The following SNRNP48 variants were observed in gnomAD, a reference collection of about 807,000 sequenced individuals.
SNRNP48 encodes the protein U11/U12 small nuclear ribonucleoprotein 48 kDa protein.
Under a neutral mutation model 47.0 loss-of-function variants are expected in SNRNP48, and 43 were observed. The ratio of observed to expected loss-of-function variants is 0.92; its 90% CI spans 0.72 to 1.18. The LOEUF (loss-of-function observed/expected upper bound fraction) is 1.18, where lower values mean the gene tolerates loss of function less well. Among genes scored for constraint, SNRNP48 ranks in the 50% most tolerant of loss-of-function variants. The pLI, the probability that SNRNP48 is intolerant of heterozygous loss-of-function variation, is 0.00. For synonymous variants in SNRNP48, 138 were observed against 144.0 expected (o/e 0.96, Z 0.30); for missense variants, 396 against 422.2 (o/e 0.94, Z 0.54).
chr6:7,590,261 G>A lies in SNRNP48; in HGVS notation c.4G>A (p.Glu2Lys). The A allele has an allele frequency of 7.5e-7, 1 of 1,333,692 alleles. No individual in the cohort carries two copies. The highest frequency in any genetic ancestry group is 9.7e-7 in the Non-Finnish European group (1 of 1,032,786). The allele number at this position is 1,333,692 out of a possible 1,614,324, so 82.6% of individuals were successfully genotyped here. M[E>K]GEPPPVEERR... ...TCTTGGCGGGTGGGCTGCAGCTATGGAGGGCGAGCCTCCACCTGTGGAGGA... is the reference window on the plus strand; with the variant it reads ...TCTTGGCGGGTGGGCTGCAGCTATGAAGGGCGAGCCTCCACCTGTGGAGGA... Residue 2 changes from glutamate (E) to lysine (K), a missense_variant, in exon 1 of 9, where the codon GAG becomes AAG. Physicochemically the swap from Glu to Lys is moderately conservative, Grantham distance 56. Coordinates refer to ENST00000342415, the MANE Select transcript of SNRNP48 (RefSeq NM_152551.4).
At position 7,606,083 on chromosome 6, in the gene SNRNP48, T is replaced by C; in HGVS notation, c.859T>C (p.Tyr287His). 2 of 1,612,796 alleles carry C rather than the reference T, an allele frequency of 1.2e-6. No homozygotes were observed. Among genetic ancestry groups the C allele is most frequent in the Non-Finnish European group, 1.7e-6 (2 of 1,179,716 alleles). Residue 287 changes from tyrosine (Y) to histidine (H), a missense_variant, in exon 8 of 9, where the codon TAT (tyrosine) becomes CAT (histidine). Tyr to His is a moderately conservative substitution (Grantham distance 83). Transcript: ENST00000342415. Reference sequence around the variant, plus strand: ...AGATTCACGGCAGTCTGGTGGAAGCTATTTGGATGCTGAGTGTTCACGACA... The same window carrying C: ...AGATTCACGGCAGTCTGGTGGAAGCCATTTGGATGCTGAGTGTTCACGACA... Reference protein sequence around the residue: ...SVDSRQSGGSYLDAECSRHRR... With the variant: ...SVDSRQSGGSHLDAECSRHRR...
Position 7,606,111 on chromosome 6 carries a change from G to C in SNRNP48, c.887G>C (p.Arg296Thr). Residue 296 changes from arginine to threonine, a missense_variant, in exon 8 of 9, where the codon AGA becomes ACA. Transcript: ENST00000342415. ...TTGGATGCTGAGTGTTCACGACATA[G>C]AAGGGATAGGAGTAGAAGCCCACAT... The part of the protein sequence containing the change: ...SYLDAECSRH[R>T]RDRSRSPHKR... 1 of 1,613,982 alleles carries C rather than the reference G, an allele frequency of 6.2e-7. No individual in the cohort carries two copies. Among genetic ancestry groups the C allele is most frequent in the Non-Finnish European group, 8.5e-7 (1 of 1,179,960 alleles).
At chr6:7,594,934 T>C (rs1759876511) in intron 3 of SNRNP48, 93 bp from the exon 4 acceptor site, 2 of 1,039,454 alleles carry the variant, frequency 1.9e-6, no homozygotes, top group Admixed American at 5.4e-5. Context: ...TTTGTCCACG[T>C]GCCCAAAGGG....
At chr6:7,596,249 G>C (rs966091572) in intron 4 of SNRNP48, among the ~76,000 whole-genome samples, 1 of 151,320 alleles carries the variant, frequency 6.6e-6, no homozygotes, top group African/African-American at 2.4e-5. Context: ...CTGGGCAACA[G>C]AGCGAGACTC....
Position 7,590,212 on chromosome 6 carries a change from G to A in SNRNP48, c.-46G>A. 1 of 1,269,168 alleles carries A rather than the reference G, an allele frequency of 7.9e-7. No individual in the cohort carries two copies. Among genetic ancestry groups the A allele is most frequent in the African/African-American group, 1.5e-5 (1 of 65,792 alleles). The allele number at this position is 1,269,168 out of a possible 1,614,324, so 78.6% of individuals were successfully genotyped here. ...CCACAGCTCCCAGAGGCCTGCGCGTGCGGTCTGCAGTTCGGCCGCTTCCTC... is the reference window on the plus strand; with the variant it reads ...CCACAGCTCCCAGAGGCCTGCGCGTACGGTCTGCAGTTCGGCCGCTTCCTC... On this transcript the variant is annotated 5_prime_UTR_variant, in exon 1 of 9. Coordinates refer to ENST00000342415, the MANE Select transcript of SNRNP48 (RefSeq NM_152551.4).
intron 1 of SNRNP48, among the ~76,000 whole-genome samples, chr6:7,592,152 C>A (rs1450315869): frequency 6.6e-6 from 1 of 152,106 alleles, no homozygotes; most frequent in African/African-American, 2.4e-5. Context: ...GAATTCTAAG[C>A]TGATAAATAA....
Position 7,609,074 on chromosome 6 carries a change from T to C in SNRNP48, c.*201T>C. 3.1e-6 allele frequency: 1 copy of C among 318,206 alleles called. No individual in the cohort carries two copies. The allele number at this position is 318,206 out of a possible 1,614,324, so 19.7% of individuals were successfully genotyped here. A position where few individuals can be genotyped will look rare whatever the true frequency, so the allele number is the denominator to read the frequency against. On this transcript the variant is annotated 3_prime_UTR_variant, in exon 9 of 9. Transcript: ENST00000342415. ...AGTACACTATTAGGCCCTACAACTT[T>C]GTTTTCCTTATATTTTATTAGATGA...
intron 3 of SNRNP48, 68 bp from the exon 4 acceptor site, chr6:7,594,959 C>A (rs1430634025): frequency 7.4e-7 from 1 of 1,359,258 alleles, no homozygotes; most frequent in Admixed American, 2.2e-5. Context: ...GATCAGAAAC[C>A]AGTTAATAAT....
At chr6:7,591,916 C>T (rs1211325016) in intron 1 of SNRNP48, among the ~76,000 whole-genome samples, 2 of 152,202 alleles carry the variant, frequency 1.3e-5, no homozygotes, top group Non-Finnish European at 2.9e-5. Flanking sequence ...AGTTCCTAGT[C>T]CTCACAGAGC....
intron 8 of SNRNP48, among the ~76,000 whole-genome samples, chr6:7,607,317 CAAAAA>C (rs1417915629): frequency 6.6e-6 from 1 of 152,024 alleles, no homozygotes; most frequent in African/African-American, 2.4e-5. Context: ...GACCCTGTCT[CAAAAA>C]AAGTGAGAAC....
intron 7 of SNRNP48, 52 bp downstream of exon 7, chr6:7,605,538 C>G (rs555279662): frequency 1.3e-6 from 2 of 1,486,572 alleles, no homozygotes; most frequent in East Asian, 4.5e-5. Context: ...TAACAGATAA[C>G]AATTAACTTA....
chr6:7,599,732 T>C (rs750251513), intron 4 of SNRNP48: 309 of 1,281,186 alleles, frequency 2.4e-4, no homozygotes, highest in Non-Finnish European at 3.0e-4. Flanking sequence ...TTTAAAGATA[T>C]GCAGTATCCT....
chr6:7,602,422 C>A (rs1042299026), intron 5 of SNRNP48, among the ~76,000 whole-genome samples: 1 of 152,108 alleles, frequency 6.6e-6, no homozygotes, highest in African/African-American at 2.4e-5. Context: ...TACCTAAGCA[C>A]TCTTATGTTC....
Position 7,611,124 on chromosome 6 carries a change from C to T in SNRNP48, c.*2251C>T, listed in dbSNP as rs755183113. 6.6e-6 allele frequency: 1 copy of T among 152,310 alleles called. No homozygotes were observed. The highest frequency in any genetic ancestry group is 2.4e-5 in the African/African-American group (1 of 41,450). 9.4% of individuals were successfully genotyped at this position (152,310 alleles called of 1,614,324 possible). On this transcript the variant is annotated 3_prime_UTR_variant, in exon 9 of 9. Transcript: ENST00000342415. ...GTCTGTAGCTCACTGCAGCCTCAAA[C>T]TCCTAGGCTCAGGCGATCCTCTTGC... is the stretch of plus-strand genomic sequence containing the variant.
At chr6:7,599,809 T>C (rs1334910968) in intron 4 of SNRNP48, 17 of 1,208,798 alleles carry the variant, frequency 1.4e-5, no homozygotes, top group Non-Finnish European at 1.7e-5. Flanking sequence ...TCACATATTA[T>C]AGTCTTGAAT....
chr6:7,590,593 C>T (rs925409278), intron 1 of SNRNP48, among the ~76,000 whole-genome samples, 180 bp downstream of exon 1: 5 of 152,168 alleles, frequency 3.3e-5, no homozygotes, highest in African/African-American at 1.2e-4. Flanking sequence ...ACCCTGACGT[C>T]CCTGGGTTCC....
chr6:7,594,741 C>T (rs986439806), intron 3 of SNRNP48, among the ~76,000 whole-genome samples: 19 of 152,210 alleles, frequency 1.2e-4, no homozygotes, highest in South Asian at 4.1e-4. Context: ...CATTACAGCA[C>T]AGGCTTCAAG....
intron 3 of SNRNP48, among the ~76,000 whole-genome samples, 190 bp downstream of exon 3, chr6:7,594,349 G>C (rs1298722940): frequency 6.6e-6 from 1 of 152,206 alleles, no homozygotes; most frequent in Non-Finnish European, 1.5e-5. Flanking sequence ...GACCAGGCTT[G>C]TATTAATAGG....
At position 7,598,134 on chromosome 6, in the gene SNRNP48, T is replaced by C. The variant is rs990894663; in HGVS notation, c.406+3033T>C. Reference sequence around the variant, plus strand: ...TGCCCACCTTGGCCTCCCAAAGTGCTGGGATTACAGGCGGGAGCCACCGCG... The same window carrying C: ...TGCCCACCTTGGCCTCCCAAAGTGCCGGGATTACAGGCGGGAGCCACCGCG... On this transcript the variant is annotated intron_variant, in intron 4 of 8. Transcript: ENST00000342415. 2.6e-5 allele frequency among the ~76,000 whole-genome samples: 4 copies of C among 151,460 alleles called. No homozygotes were observed. The South Asian group carries it at 8.4e-4, about 32-fold the overall frequency.
Sources: allele counts gnomAD v4.1 joint callset (sites outside exome capture counted in the v4.1 genomes callset), GRCh38; gene constraint gnomAD v4.1.1; transcripts MANE v1.5; gene names NCBI Gene and HGNC (gene_info 2026-07-23, HGNC 2026-07-21).